Variants in PSMD14 observed in about 807,000 individuals in gnomAD.
PSMD14 encodes ubiquitin C-terminal hydrolase PSMD14.
A neutral mutation model predicts 41.2 loss-of-function variants in PSMD14; 7 were observed. The observed-to-expected ratio is 0.17, with a 90% CI of 0.10 to 0.32. PSMD14 has a LOEUF of 0.32. PSMD14 is among the 10% of genes least tolerant of loss of function. PSMD14 has a pLI of 1.00. For missense variants in PSMD14, 139 were observed against 375.6 expected (o/e 0.37, Z 5.21); for synonymous variants, 114 against 122.3 (o/e 0.93, Z 0.45).
intron 3 of PSMD14, among the ~76,000 whole-genome samples, chr2:161,351,105 T>A (rs1288655961): frequency 6.6e-6 from 1 of 152,222 alleles, no homozygotes; most frequent in Non-Finnish European, 1.5e-5. Context: ...GAGGCCTCAG[T>A]CATTTTCAGT....
chr2:161,371,452 A>G (rs1683432878), intron 7 of PSMD14, 130 bp downstream of exon 7: 3 of 868,012 alleles, frequency 3.5e-6, no homozygotes, highest in East Asian at 2.7e-5. Flanking sequence ...TACTTAAAAA[A>G]CAAAAAAACT....
intron 7 of PSMD14, among the ~76,000 whole-genome samples, chr2:161,381,007 T>G (rs1041852748): frequency 1.1e-4 from 16 of 152,134 alleles, no homozygotes; most frequent in Non-Finnish European, 2.1e-4. Flanking sequence ...TGCCTTTCTT[T>G]CCACACCTTT....
intron 1 of PSMD14, among the ~76,000 whole-genome samples, chr2:161,313,353 A>T (rs112586387): frequency 3.8e-4 from 58 of 150,886 alleles, no homozygotes; most frequent in Middle Eastern, 3.4e-3. Flanking sequence ...TTAATTAATT[A>T]ATTTATTTAT....
intron 10 of PSMD14, among the ~76,000 whole-genome samples, chr2:161,404,154 C>G (rs756770848): frequency 6.6e-6 from 1 of 152,038 alleles, no homozygotes; most frequent in Non-Finnish European, 1.5e-5. Flanking sequence ...GATGCTTCCC[C>G]CTCAGCCTCC....
chr2:161,319,204 T>G (rs1689176248), intron 3 of PSMD14, among the ~76,000 whole-genome samples: 1 of 152,072 alleles, frequency 6.6e-6, no homozygotes, highest in South Asian at 2.1e-4. Flanking sequence ...AAACTTTAGA[T>G]GTAACACAAG....
intron 3 of PSMD14, chr2:161,340,875 T>C: frequency 6.2e-7 from 1 of 1,613,940 alleles, no homozygotes. Context: ...CTCGTACTGG[T>C]TTCCCCTCAG....
At chr2:161,389,906 T>G (rs1188272048) in intron 8 of PSMD14, among the ~76,000 whole-genome samples, 1 of 122,776 alleles carries the variant, frequency 8.1e-6, no homozygotes, top group African/African-American at 3.0e-5. Flanking sequence ...TTTTTTTTTT[T>G]TTTTTTAGAG....
intron 3 of PSMD14, among the ~76,000 whole-genome samples, chr2:161,352,871 C>G (rs1178490331): frequency 6.6e-6 from 1 of 152,120 alleles, no homozygotes; most frequent in African/African-American, 2.4e-5. Flanking sequence ...ACCTCCAGGG[C>G]CCAGCTTTTA....
intron 3 of PSMD14, among the ~76,000 whole-genome samples, chr2:161,331,297 CTG>C (rs1228598359): frequency 6.6e-6 from 1 of 150,472 alleles, no homozygotes; most frequent in African/African-American, 2.4e-5. Flanking sequence ...GAGTCTCACT[CTG>C]TTGCTCGGGC....
intron 1 of PSMD14, among the ~76,000 whole-genome samples, chr2:161,312,292 C>T (rs961031772): frequency 1.3e-5 from 2 of 151,876 alleles, no homozygotes; most frequent in Non-Finnish European, 2.9e-5. Flanking sequence ...TATAAGCACC[C>T]GTCACCACGC....
chr2:161,353,185 G>T (rs183167317), intron 3 of PSMD14, among the ~76,000 whole-genome samples: 20 of 152,228 alleles, frequency 1.3e-4, no homozygotes, highest in African/African-American at 4.8e-4. Context: ...GGGTCCTTAA[G>T]ACTTAATATT....
At chr2:161,389,912 T>TTGTTTTTTTTTTTTTTTTTTTTA (rs1299369817) in intron 8 of PSMD14, among the ~76,000 whole-genome samples, 1 of 130,244 alleles carries the variant, frequency 7.7e-6, no homozygotes, top group African/African-American at 3.3e-5. Flanking sequence ...TTTTTTTTTT[T>TTGTTTTTTTTTTTTTTTTTTTTA]AGAGATGGGG....
In PSMD14 at chr2:161,397,677, G is replaced by A. The variant is rs575010966; in HGVS notation, c.771+2474G>A. On this transcript the variant is annotated intron_variant, in intron 10 of 11. Coordinates refer to ENST00000409682, the MANE Select transcript of PSMD14 (RefSeq NM_005805.6). Reference sequence around the variant, plus strand: ...AGAGACAGTGTATAAAATTTACCAAGTGTAGCAATAAGACTTTTGAGAGAA... The same window carrying A: ...AGAGACAGTGTATAAAATTTACCAAATGTAGCAATAAGACTTTTGAGAGAA... Among the ~76,000 whole-genome samples, 181 of 152,198 alleles carry A rather than the reference G, an allele frequency of 1.2e-3. 1 individual carries two copies. The highest frequency in any genetic ancestry group is 0.012 in the South Asian group (57 of 4,824).
chr2:161,326,578 G>C (rs1293125400), intron 3 of PSMD14, among the ~76,000 whole-genome samples: 1 of 152,174 alleles, frequency 6.6e-6, no homozygotes, highest in Non-Finnish European at 1.5e-5. Flanking sequence ...ATTGAAAGCA[G>C]AGACTCCAAC....
At chr2:161,356,976 G>A (rs1344610868) in intron 3 of PSMD14, among the ~76,000 whole-genome samples, 2 of 151,444 alleles carry the variant, frequency 1.3e-5, no homozygotes, top group Non-Finnish European at 2.9e-5. Flanking sequence ...CTAAGAGAAA[G>A]GTGGAGTAAT....
chr2:161,318,954 C>T, intron 3 of PSMD14, 81 bp downstream of exon 3: 1 of 1,153,526 alleles, frequency 8.7e-7, no homozygotes, highest in East Asian at 2.4e-5. Flanking sequence ...AAGAAATTAT[C>T]CCCAAGAAAA....
intron 3 of PSMD14, among the ~76,000 whole-genome samples, chr2:161,338,100 T>G (rs1682894177): frequency 6.6e-6 from 1 of 152,180 alleles, no homozygotes; most frequent in Non-Finnish European, 1.5e-5. Context: ...TAATTTAACC[T>G]CAAAGATGAA....
At chr2:161,410,853 A>G (rs1246312213) in intron 11 of PSMD14, among the ~76,000 whole-genome samples, 1 of 152,064 alleles carries the variant, frequency 6.6e-6, no homozygotes, top group Non-Finnish European at 1.5e-5. Context: ...AAAACATAGA[A>G]GAAGTGCTGA....
intron 7 of PSMD14, chr2:161,382,014 A>T (rs1431072789): frequency 6.6e-6 from 1 of 151,850 alleles, no homozygotes; most frequent in Non-Finnish European, 1.5e-5. Flanking sequence ...AAAGGGTTAT[A>T]TAAATATGTG....
Sources: gnomAD v4.1 joint callset for allele counts (sites outside exome capture counted in the v4.1 genomes callset) on GRCh38, gnomAD v4.1.1 for gene constraint, MANE v1.5 for transcripts, NCBI Gene and HGNC (gene_info 2026-07-23, HGNC 2026-07-21) for gene names.